The following EDIL3 variants were observed in gnomAD, a reference collection of about 807,000 sequenced individuals.
The protein encoded by EDIL3 is EGF-like repeat and discoidin I-like domain-containing protein 3.
Under a neutral mutation model 67.4 loss-of-function variants are expected in EDIL3, and 37 were observed. The observed-to-expected ratio is 0.55, with a 90% CI of 0.42 to 0.72. The LOEUF (loss-of-function observed/expected upper bound fraction) is 0.72. Ranked by LOEUF, EDIL3 falls within the 30% of genes least tolerant of loss-of-function variation. The pLI, the probability that EDIL3 is intolerant of heterozygous loss-of-function variation, is 0.00. For synonymous variants in EDIL3, 195 were observed against 196.3 expected, an observed-to-expected ratio of 0.99 and a Z score of 0.05; for missense variants, 527 against 586.3, an observed-to-expected ratio of 0.90 and a Z score of 1.04.
intron 4 of EDIL3, among the ~76,000 whole-genome samples, chr5:84,161,625 C>G (rs1176339942): frequency 6.6e-6 from 1 of 152,026 alleles, no homozygotes; most frequent in Admixed American, 6.6e-5. Flanking sequence ...CTTTTAGCTA[C>G]TAGACAATCG....
chr5:84,296,842 G>A (rs184211428), intron 1 of EDIL3, among the ~76,000 whole-genome samples: 50 of 152,142 alleles, frequency 3.3e-4, no homozygotes, highest in Non-Finnish European at 5.7e-4. Flanking sequence ...TCTGACAAAG[G>A]TCTATTATCC....
intron 6 of EDIL3, among the ~76,000 whole-genome samples, chr5:84,092,925 C>A (rs1428928): frequency 2.6e-5 from 4 of 151,984 alleles, no homozygotes; most frequent in Non-Finnish European, 5.9e-5. Flanking sequence ...CTAGCCTTGC[C>A]TATAAAAGTG....
chr5:84,108,146 T>G (rs1242401825), intron 5 of EDIL3, among the ~76,000 whole-genome samples: 3 of 151,748 alleles, frequency 2.0e-5, no homozygotes, highest in Non-Finnish European at 4.4e-5. Flanking sequence ...AGATTGAGGT[T>G]GAAAATAAGA....
Position 84,319,194 on chromosome 5 carries a change from C to T in EDIL3, c.68-64982G>A, listed in dbSNP as rs1244741546. Among the ~76,000 whole-genome samples the T allele has an allele frequency of 2.4e-4, 30 of 123,110 alleles. 8 individuals are homozygous for T. Among genetic ancestry groups the T allele is most frequent in the African/African-American group, 6.9e-4 (24 of 35,022 alleles). The allele number at this position is 123,110 out of a possible 152,430, so 80.8% of individuals were successfully genotyped here. A position where few individuals can be genotyped will look rare whatever the true frequency, so the allele number is the denominator to read the frequency against. ...ATGTGAAGAAATAGGAATGCTTGGC[C>T]GGGCGCGGTGGCTCACGCCTGTAAT... On this transcript the variant is annotated intron_variant, in intron 1 of 10. Coordinates refer to ENST00000296591, the MANE Select transcript of EDIL3 (RefSeq NM_005711.5).
intron 1 of EDIL3, among the ~76,000 whole-genome samples, chr5:84,297,410 G>C (rs1317231875): frequency 6.6e-6 from 1 of 152,108 alleles, no homozygotes; most frequent in African/African-American, 2.4e-5. Flanking sequence ...CAGAGAAATA[G>C]GAATGCTTTT....
intron 9 of EDIL3, among the ~76,000 whole-genome samples, chr5:84,001,401 A>G (rs942492188): frequency 2.6e-5 from 4 of 152,310 alleles, no homozygotes; most frequent in African/African-American, 9.6e-5. Flanking sequence ...TTTCTAAAAA[A>G]CTAGAAAACC....
chr5:84,000,916 T>A (rs1435394387), intron 9 of EDIL3, among the ~76,000 whole-genome samples: 2 of 151,658 alleles, frequency 1.3e-5, no homozygotes, highest in African/African-American at 2.4e-5. Flanking sequence ...AAATAAAATT[T>A]AAAAATTTTT....
At chr5:84,192,859 TG>T (rs2112369572) in intron 3 of EDIL3, among the ~76,000 whole-genome samples, 1 of 152,154 alleles carries the variant, frequency 6.6e-6, no homozygotes, top group South Asian at 2.1e-4. Flanking sequence ...AAAGGTCTCC[TG>T]TGCCCCAATA....
intron 6 of EDIL3, among the ~76,000 whole-genome samples, chr5:84,102,014 C>T (rs1339947718): frequency 6.6e-6 from 1 of 152,010 alleles, no homozygotes; most frequent in African/African-American, 2.4e-5. Flanking sequence ...GTAGGTTCAA[C>T]ATATGTAAAT....
At chr5:83,944,846 G>A (rs1744285162) in intron 10 of EDIL3, among the ~76,000 whole-genome samples, 2 of 151,556 alleles carry the variant, frequency 1.3e-5, no homozygotes, top group Non-Finnish European at 2.9e-5. Flanking sequence ...ATAACTATGT[G>A]GCCAGAGACA....
chr5:84,117,047 A>T (rs60574802), intron 5 of EDIL3, among the ~76,000 whole-genome samples: 781 of 19,598 alleles, frequency 0.04, 11 homozygotes, highest in African/African-American at 0.2. Context: ...TTTTTTTTTG[A>T]GACGGAGTCT....
chr5:84,116,691 T>C (rs143998083), intron 5 of EDIL3, among the ~76,000 whole-genome samples: 41 of 152,338 alleles, frequency 2.7e-4, no homozygotes, highest in Admixed American at 9.1e-4. Flanking sequence ...TACAGTGGCT[T>C]TGGTAATCCT....
chr5:84,028,829 T>C (rs976382530), intron 9 of EDIL3, among the ~76,000 whole-genome samples: 1 of 152,142 alleles, frequency 6.6e-6, no homozygotes, highest in African/African-American at 2.4e-5. Flanking sequence ...ATTCATGATA[T>C]GGTTTGGCTG....
At chr5:84,196,110 T>C (rs190499742) in intron 3 of EDIL3, among the ~76,000 whole-genome samples, 1 of 152,110 alleles carries the variant, frequency 6.6e-6, no homozygotes, top group East Asian at 1.9e-4. Flanking sequence ...TTGTTGCCTC[T>C]ACCTTCAAAA....
intron 5 of EDIL3, among the ~76,000 whole-genome samples, chr5:84,126,453 C>T (rs531202248): frequency 1.3e-5 from 2 of 152,106 alleles, no homozygotes; most frequent in African/African-American, 4.8e-5. Flanking sequence ...AGGCAATCAT[C>T]AAAATATTTA....
At chr5:84,132,281 T>A (rs1378756359) in intron 5 of EDIL3, among the ~76,000 whole-genome samples, 1 of 109,414 alleles carries the variant, frequency 9.1e-6, no homozygotes, top group Non-Finnish European at 1.8e-5. Context: ...CTTTTTTTCA[T>A]ATATAGTATA....
At chr5:84,266,186 CA>C (rs1454497921) in intron 1 of EDIL3, among the ~76,000 whole-genome samples, 1 of 152,150 alleles carries the variant, frequency 6.6e-6, no homozygotes, top group African/African-American at 2.4e-5. Flanking sequence ...TGAATACATT[CA>C]AAAACCCATT....
chr5:84,169,384 T>C (rs1748769190), intron 4 of EDIL3, among the ~76,000 whole-genome samples: 1 of 152,056 alleles, frequency 6.6e-6, no homozygotes, highest in South Asian at 2.1e-4. Flanking sequence ...TCCAATCTTA[T>C]TCAGATTTCT....
chr5:84,199,249 G>A (rs139341556), intron 3 of EDIL3, among the ~76,000 whole-genome samples: 7 of 151,934 alleles, frequency 4.6e-5, no homozygotes, highest in Non-Finnish European at 8.8e-5. Flanking sequence ...CCTTTACAGT[G>A]ACATATAACC....
Sources: allele counts gnomAD v4.1 joint callset (sites outside exome capture counted in the v4.1 genomes callset), GRCh38; gene constraint gnomAD v4.1.1; transcripts MANE v1.5; gene names NCBI Gene and HGNC (gene_info 2026-07-23, HGNC 2026-07-21).